The following MGAT5 variants were observed in gnomAD, a reference collection of about 807,000 sequenced individuals.
MGAT5 encodes alpha-1,6-mannosylglycoprotein 6-beta-N-acetylglucosaminyltransferase.
MGAT5 carries 30 observed loss-of-function variants against 94.3 expected under a neutral mutation model. That is an observed-to-expected ratio of 0.32 (90% confidence interval 0.24 to 0.43). MGAT5 has a LOEUF of 0.43. Ranked by LOEUF, MGAT5 falls within the 20% of genes least tolerant of loss-of-function variation. The probability of loss-of-function intolerance (pLI) is 1.00; values close to 1 mark genes in which losing one functional copy is unlikely to be tolerated. For synonymous variants in MGAT5, 310 were observed against 322.9 expected (o/e 0.96, Z 0.43); for missense variants, 691 against 905.5 (o/e 0.76, Z 3.04).
At chr2:134,220,664 G>A (rs111556628) in intron 1 of MGAT5, among the ~76,000 whole-genome samples, 2 of 152,170 alleles carry the variant, frequency 1.3e-5, no homozygotes, top group African/African-American at 4.8e-5. Flanking sequence ...GTGTATGCAC[G>A]CTGCTGCTGT....
chr2:134,234,237 T>TA (rs1421422563), intron 1 of MGAT5, among the ~76,000 whole-genome samples: 1 of 152,160 alleles, frequency 6.6e-6, no homozygotes, highest in African/African-American at 2.4e-5. Flanking sequence ...AGTCAAGACT[T>TA]ACAGGTTCTT....
intron 2 of MGAT5, among the ~76,000 whole-genome samples, chr2:134,277,268 G>C (rs1053020929): frequency 5.9e-5 from 9 of 152,052 alleles, no homozygotes; most frequent in African/African-American, 2.2e-4. Flanking sequence ...GTATTGTTAG[G>C]AGGTATATTA....
At chr2:134,320,436 A>G (rs1488244127) in intron 4 of MGAT5, among the ~76,000 whole-genome samples, 1 of 151,690 alleles carries the variant, frequency 6.6e-6, no homozygotes, top group African/African-American at 2.4e-5. Flanking sequence ...GACTTTAAGG[A>G]TATCCATTTC....
At chr2:134,254,063 TC>T (rs1397886293), upstream of MGAT5, among the ~76,000 whole-genome samples, 1 of 152,146 alleles carries the variant, frequency 6.6e-6, no homozygotes, top group East Asian at 1.9e-4. Context: ...GACGCACACT[TC>T]CCCCTTCATA....
At chr2:134,142,275 C>T (rs931528813) in intron 1 of MGAT5, among the ~76,000 whole-genome samples, 1 of 152,118 alleles carries the variant, frequency 6.6e-6, no homozygotes, top group Non-Finnish European at 1.5e-5. Context: ...CAGATGATAC[C>T]ACCCCGAAAA....
intron 10 of MGAT5, among the ~76,000 whole-genome samples, chr2:134,384,883 A>T (rs1206127835): frequency 6.6e-6 from 1 of 152,210 alleles, no homozygotes; most frequent in Non-Finnish European, 1.5e-5. Context: ...ACCTTTAAAA[A>T]GGTCAAATTA....
At chr2:134,399,435 G>A (rs768135260) in intron 10 of MGAT5, among the ~76,000 whole-genome samples, 5 of 152,198 alleles carry the variant, frequency 3.3e-5, no homozygotes, top group East Asian at 1.9e-4. Context: ...TCCAGCATGC[G>A]CTCTCCTTCC....
chr2:134,334,155 G>T (rs542482890), intron 4 of MGAT5, among the ~76,000 whole-genome samples: 5 of 152,088 alleles, frequency 3.3e-5, no homozygotes, highest in Non-Finnish European at 7.4e-5. Context: ...GTAATACCCA[G>T]TGATTTAGAA....
At chr2:134,122,860 G>A (rs569719831) in intron 1 of MGAT5, among the ~76,000 whole-genome samples, 19 of 152,362 alleles carry the variant, frequency 1.2e-4, no homozygotes, top group African/African-American at 4.3e-4. Context: ...GGAGGGCTCT[G>A]CCCAGATCTG....
upstream of MGAT5, among the ~76,000 whole-genome samples, chr2:134,253,424 A>G (rs1558733553): frequency 6.6e-6 from 1 of 152,186 alleles, no homozygotes; most frequent in Non-Finnish European, 1.5e-5. Context: ...GCCCTGATTG[A>G]GAAGAGTGGC....
chr2:134,254,821 T>G (rs921082382), intron 1 of MGAT5, among the ~76,000 whole-genome samples, 177 bp downstream of exon 1: 2 of 152,098 alleles, frequency 1.3e-5, no homozygotes, highest in South Asian at 4.2e-4. Flanking sequence ...ATTTTGGGGG[T>G]TCTGAGCTGG....
chr2:134,238,928 A>C (rs1446908885), intron 1 of MGAT5, among the ~76,000 whole-genome samples: 3 of 152,190 alleles, frequency 2.0e-5, no homozygotes, highest in Non-Finnish European at 2.9e-5. Flanking sequence ...CCTGGGCGAC[A>C]AGAGTGAAAC....
At chr2:134,443,738 A>T (rs1419130591) in intron 15 of MGAT5, among the ~76,000 whole-genome samples, 1 of 152,186 alleles carries the variant, frequency 6.6e-6, no homozygotes, top group African/African-American at 2.4e-5. Context: ...GGGGCTTTCC[A>T]TGCGCTCCTT....
intron 1 of MGAT5, among the ~76,000 whole-genome samples, chr2:134,226,705 G>T (rs548661312): frequency 1.3e-5 from 2 of 152,180 alleles, no homozygotes; most frequent in Admixed American, 1.3e-4. Flanking sequence ...AGCCCCTAGC[G>T]CCTAGCAGGC....
At chr2:134,424,931 G>A (rs1348816007) in intron 13 of MGAT5, among the ~76,000 whole-genome samples, 1 of 152,178 alleles carries the variant, frequency 6.6e-6, no homozygotes, top group Non-Finnish European at 1.5e-5. Flanking sequence ...CTAATTCAGT[G>A]TGACCTCATC....
chr2:134,397,171 A>G (rs906547404), intron 10 of MGAT5, among the ~76,000 whole-genome samples: 1 of 152,138 alleles, frequency 6.6e-6, no homozygotes, highest in African/African-American at 2.4e-5. Flanking sequence ...GGGGAACAAA[A>G]CTTTGAGTTT....
intron 12 of MGAT5, among the ~76,000 whole-genome samples, chr2:134,419,199 A>T (rs1014039086): frequency 6.6e-6 from 1 of 152,232 alleles, no homozygotes; most frequent in Non-Finnish European, 1.5e-5. Context: ...TGAAGAGAAG[A>T]AAAGGTCTGG....
intron 10 of MGAT5, among the ~76,000 whole-genome samples, chr2:134,398,648 A>G (rs1574013855): frequency 6.6e-6 from 1 of 152,314 alleles, no homozygotes; most frequent in Non-Finnish European, 1.5e-5. Context: ...TTGCAGCACT[A>G]TTTACAATAG....
intron 1 of MGAT5, among the ~76,000 whole-genome samples, chr2:134,124,218 T>G (rs983811539): frequency 6.6e-6 from 1 of 152,214 alleles, no homozygotes; most frequent in African/African-American, 2.4e-5. Context: ...GCTGCCAAGG[T>G]GGGTCCCAGG....
Sources: allele counts gnomAD v4.1 joint callset (sites outside exome capture counted in the v4.1 genomes callset), GRCh38; gene constraint gnomAD v4.1.1; transcripts MANE v1.5; gene names NCBI Gene and HGNC (gene_info 2026-07-23, HGNC 2026-07-21).